PARD3B: variants seen among roughly 807,000 people sequenced by gnomAD.
PARD3B encodes partitioning defective 3 homolog B.
Under a neutral mutation model 130.2 loss-of-function variants are expected in PARD3B, and 103 were observed. The observed-to-expected ratio is 0.79, with a 90% CI of 0.67 to 0.93. PARD3B has a LOEUF of 0.93. PARD3B is among the 40% of genes least tolerant of loss of function. The pLI is 0.00. For missense variants in PARD3B, 1,609 were observed against 1,499.2 expected (o/e 1.07, Z -1.21); for synonymous variants, 583 against 553.2 (o/e 1.05, Z -0.76).
chr2:204,785,286 T>A (rs940884676), intron 2 of PARD3B, among the ~76,000 whole-genome samples: 3 of 152,228 alleles, frequency 2.0e-5, no homozygotes, highest in Admixed American at 2.0e-4. Flanking sequence ...CTAGGAATTA[T>A]ATAAATGCAT....
chr2:205,088,315 A>G (rs1701866637), intron 4 of PARD3B, among the ~76,000 whole-genome samples: 1 of 152,208 alleles, frequency 6.6e-6, no homozygotes, highest in African/African-American at 2.4e-5. Flanking sequence ...AAGGAAATAA[A>G]TTAAGATAAG....
intron 20 of PARD3B, among the ~76,000 whole-genome samples, chr2:205,483,741 T>TA (rs1559136415): frequency 6.6e-6 from 1 of 152,164 alleles, no homozygotes; most frequent in African/African-American, 2.4e-5. Context: ...TCAGTTTTTT[T>TA]AAAAATGCCA....
intron 4 of PARD3B, among the ~76,000 whole-genome samples, chr2:205,070,170 A>C (rs1700637346): frequency 6.6e-6 from 1 of 152,152 alleles, no homozygotes; most frequent in African/African-American, 2.4e-5. Flanking sequence ...GTGGTCTGCA[A>C]AAGGACCCTA....
chr2:204,765,154 A>G (rs1420839202), intron 2 of PARD3B, among the ~76,000 whole-genome samples: 1 of 152,230 alleles, frequency 6.6e-6, no homozygotes, highest in African/African-American at 2.4e-5. Context: ...AACAGAGGTC[A>G]GTACATTTGT....
chr2:205,295,996 C>T (rs1348059311), intron 16 of PARD3B, among the ~76,000 whole-genome samples: 2 of 152,040 alleles, frequency 1.3e-5, no homozygotes, highest in Non-Finnish European at 2.9e-5. Flanking sequence ...TTTATGAAGT[C>T]CTTTTTAGCT....
intron 11 of PARD3B, among the ~76,000 whole-genome samples, chr2:205,161,031 A>G (rs2034475946): frequency 6.6e-6 from 1 of 152,198 alleles, no homozygotes; most frequent in Admixed American, 6.5e-5. Flanking sequence ...GTTCTTGGTC[A>G]TGTTTGTGGA....
At chr2:205,436,187 C>G (rs984841633) in intron 19 of PARD3B, among the ~76,000 whole-genome samples, 1 of 152,160 alleles carries the variant, frequency 6.6e-6, no homozygotes. Flanking sequence ...AGTCACTTCC[C>G]AAAAGGCTTA....
chr2:205,138,858 A>G (rs1575920908), intron 10 of PARD3B, among the ~76,000 whole-genome samples: 1 of 152,214 alleles, frequency 6.6e-6, no homozygotes, highest in East Asian at 1.9e-4. Context: ...TATCTTTCTC[A>G]TGGCTACCTC....
At chr2:204,564,742 A>G (rs1324548341) in intron 1 of PARD3B, among the ~76,000 whole-genome samples, 1 of 152,100 alleles carries the variant, frequency 6.6e-6, no homozygotes, top group Non-Finnish European at 1.5e-5. Flanking sequence ...AATCTGTTGC[A>G]ATGTTGTTTT....
chr2:205,156,048 G>A (rs1238190007), intron 10 of PARD3B, among the ~76,000 whole-genome samples: 1 of 152,044 alleles, frequency 6.6e-6, no homozygotes, highest in Non-Finnish European at 1.5e-5. Context: ...TTAAGAAAAT[G>A]TGGCACATAT....
intron 1 of PARD3B, among the ~76,000 whole-genome samples, chr2:204,657,910 A>G (rs962863448): frequency 6.6e-6 from 1 of 152,162 alleles, no homozygotes; most frequent in Non-Finnish European, 1.5e-5. Context: ...TTTTAGTAAT[A>G]TGTATACACA....
Position 205,618,710 on chromosome 2 carries a change from A to C in PARD3B, c.*2897A>C, listed in dbSNP as rs1266381785. On this transcript the variant is annotated 3_prime_UTR_variant, in exon 23 of 23. Transcript: ENST00000406610. ...CCTTTTTGCAGGAGTAGAGAGATGA[A>C]AGAGGACAGACCATTGAAAACTTTT... 6.6e-6 allele frequency: 1 copy of C among 152,168 alleles called. No individual in the cohort carries two copies. The highest frequency in any genetic ancestry group is 2.4e-5 in the African/African-American group (1 of 41,422). 9.4% of individuals were successfully genotyped at this position (152,168 alleles called of 1,614,324 possible). A position where few individuals can be genotyped will look rare whatever the true frequency, so the allele number is the denominator to read the frequency against.
chr2:204,820,071 C>CTTTTTTTTTTTTTTTT lies in PARD3B; in HGVS notation c.222+133795_222+133810dup, dbSNP rs557143420. On this transcript the variant is annotated intron_variant, in intron 2 of 22. Transcript: ENST00000406610. ...GAAGGTGGCTACATTAAACAATAGA[C>CTTTTTTTTTTTTTTTT]TTTTTTTTTTTTTTTTTTTTTGAGA... is the stretch of plus-strand genomic sequence containing the variant. Among the ~76,000 whole-genome samples, 21 of 98,414 alleles carry CTTTTTTTTTTTTTTTT rather than the reference C, an allele frequency of 2.1e-4. 4 individuals carry two copies. Among genetic ancestry groups the CTTTTTTTTTTTTTTTT allele is most frequent in the African/African-American group, 8.5e-4 (19 of 22,442 alleles). The allele number at this position is 98,414 out of a possible 152,430, so 64.6% of individuals were successfully genotyped here.
At chr2:204,607,396 A>G (rs551684259) in intron 1 of PARD3B, among the ~76,000 whole-genome samples, 2 of 152,280 alleles carry the variant, frequency 1.3e-5, no homozygotes, top group African/African-American at 4.8e-5. Flanking sequence ...TACTATGGGA[A>G]TAGCTATTAG....
chr2:205,212,165 T>C (rs1336676151), intron 15 of PARD3B, among the ~76,000 whole-genome samples: 1 of 150,036 alleles, frequency 6.7e-6, no homozygotes, highest in East Asian at 2.0e-4. Context: ...GAAGAATATA[T>C]TTGTTAATAT....
At chr2:204,875,246 C>T (rs1001108499) in intron 2 of PARD3B, among the ~76,000 whole-genome samples, 3 of 152,184 alleles carry the variant, frequency 2.0e-5, no homozygotes, top group African/African-American at 7.2e-5. Context: ...CATTGGCAGT[C>T]ACTCTCCATT....
At chr2:205,205,972 G>A (rs1307484092) in intron 15 of PARD3B, among the ~76,000 whole-genome samples, 2 of 152,154 alleles carry the variant, frequency 1.3e-5, no homozygotes, top group African/African-American at 2.4e-5. Context: ...ACATGAGTTA[G>A]GGAGGATTCC....
At chr2:204,806,189 T>C (rs981429522) in intron 2 of PARD3B, among the ~76,000 whole-genome samples, 2 of 151,890 alleles carry the variant, frequency 1.3e-5, no homozygotes, top group African/African-American at 4.8e-5. Context: ...CAAAGACATC[T>C]GGAACAAAAA....
chr2:205,153,675 A>G (rs1345665628), intron 10 of PARD3B, among the ~76,000 whole-genome samples: 2 of 152,204 alleles, frequency 1.3e-5, no homozygotes, highest in African/African-American at 2.4e-5. Flanking sequence ...CCAAAACAGC[A>G]TGGTACTGGT....
Sources: allele counts gnomAD v4.1 joint callset (sites outside exome capture counted in the v4.1 genomes callset), GRCh38; gene constraint gnomAD v4.1.1; transcripts MANE v1.5; gene names NCBI Gene and HGNC (gene_info 2026-07-23, HGNC 2026-07-21).